The following MSH4 variants were observed in gnomAD, a reference collection of about 807,000 sequenced individuals.
MSH4 encodes the protein mutS homolog 4.
Under a neutral mutation model 113.7 loss-of-function variants are expected in MSH4, and 106 were observed. The observed-to-expected ratio is 0.93, with a 90% CI of 0.80 to 1.10. The LOEUF (loss-of-function observed/expected upper bound fraction) is 1.10, where lower values mean the gene tolerates loss of function less well. MSH4 is among the 50% of genes least tolerant of loss of function. The probability of loss-of-function intolerance (pLI) is 0.00; values close to 1 mark genes in which losing one functional copy is unlikely to be tolerated. For synonymous variants in MSH4, 368 were observed against 380.2 expected (o/e 0.97, Z 0.37); for missense variants, 1,061 against 1,093.7 (o/e 0.97, Z 0.42).
intron 3 of MSH4, among the ~76,000 whole-genome samples, chr1:75,810,199 A>G (rs1033102526): frequency 6.8e-6 from 1 of 147,140 alleles, no homozygotes; most frequent in Non-Finnish European, 1.5e-5. Flanking sequence ...ATATATATAC[A>G]TATATATTTT....
chr1:75,876,912 CT>C (rs1029542695), intron 9 of MSH4, 23 bp from the exon 10 acceptor site: 4 of 1,376,002 alleles, frequency 2.9e-6, no homozygotes, highest in African/African-American at 3.0e-5. Context: ...TTATCCTTAA[CT>C]TTTTTATTTT....
chr1:75,833,715 A>G (rs1055392939), intron 7 of MSH4, among the ~76,000 whole-genome samples: 8 of 152,226 alleles, frequency 5.3e-5, no homozygotes, highest in African/African-American at 1.9e-4. Context: ...TGGTGCTGGG[A>G]AAACTGGCTA....
chr1:75,879,711 A>C (rs983907643), intron 12 of MSH4, among the ~76,000 whole-genome samples: 3 of 152,248 alleles, frequency 2.0e-5, no homozygotes, highest in Admixed American at 6.5e-5. Context: ...CAGGGGTCAG[A>C]GATGGAGTGA....
At chr1:75,895,147 A>G (rs940673602) in intron 17 of MSH4, among the ~76,000 whole-genome samples, 3 of 152,182 alleles carry the variant, frequency 2.0e-5, no homozygotes, top group East Asian at 3.9e-4. Context: ...CTGCCCAGCC[A>G]CTTTGGCTGT....
chr1:75,893,748 T>G (rs1415480642), intron 17 of MSH4, among the ~76,000 whole-genome samples: 1 of 152,216 alleles, frequency 6.6e-6, no homozygotes, highest in Non-Finnish European at 1.5e-5. Context: ...GGAACATGCA[T>G]GGGAATGTAT....
At chr1:75,830,480 C>T (rs1323601600) in intron 7 of MSH4, among the ~76,000 whole-genome samples, 1 of 152,036 alleles carries the variant, frequency 6.6e-6, no homozygotes, top group Non-Finnish European at 1.5e-5. Flanking sequence ...TTCCAAGACA[C>T]ATAATTGTCA....
At chr1:75,838,795 C>G (rs1650888507) in intron 7 of MSH4, among the ~76,000 whole-genome samples, 1 of 152,166 alleles carries the variant, frequency 6.6e-6, no homozygotes, top group Non-Finnish European at 1.5e-5. Flanking sequence ...CCCCTTCTCC[C>G]AGGCTTCTCT....
intron 7 of MSH4, among the ~76,000 whole-genome samples, chr1:75,843,537 T>C (rs576830975): frequency 3.3e-5 from 5 of 152,288 alleles, no homozygotes; most frequent in East Asian, 1.9e-4. Context: ...CAGAGTCAGA[T>C]TGAAAAGCAA....
intron 19 of MSH4, among the ~76,000 whole-genome samples, chr1:75,910,611 A>C (rs1313262050): frequency 6.6e-6 from 1 of 151,876 alleles, no homozygotes; most frequent in Non-Finnish European, 1.5e-5. Flanking sequence ...ACTAAATATA[A>C]AAGTTTCTAA....
intron 8 of MSH4, among the ~76,000 whole-genome samples, chr1:75,855,014 A>G (rs1651283508): frequency 6.7e-6 from 1 of 148,592 alleles, no homozygotes; most frequent in Admixed American, 6.8e-5. Flanking sequence ...CTTTATATAG[A>G]TAATTAGTAT....
intron 7 of MSH4, among the ~76,000 whole-genome samples, chr1:75,845,028 G>A (rs939816388): frequency 6.6e-6 from 1 of 152,190 alleles, no homozygotes; most frequent in African/African-American, 2.4e-5. Context: ...TTTACTTCCA[G>A]AACAAGTAAC....
chr1:75,888,053 C>T (rs1652165098), intron 15 of MSH4, among the ~76,000 whole-genome samples: 1 of 148,890 alleles, frequency 6.7e-6, no homozygotes, highest in Non-Finnish European at 1.5e-5. Context: ...TCTAGTATGT[C>T]GAATGGTATA....
chr1:75,823,581 A>G (rs1467186967), intron 7 of MSH4, among the ~76,000 whole-genome samples: 1 of 152,096 alleles, frequency 6.6e-6, no homozygotes, highest in African/African-American at 2.4e-5. Context: ...CTAGGTTTTA[A>G]GCCTTGCATG....
intron 8 of MSH4, among the ~76,000 whole-genome samples, chr1:75,862,363 C>T (rs889965795): frequency 1.9e-4 from 29 of 152,188 alleles, no homozygotes; most frequent in African/African-American, 6.8e-4. Context: ...CCATCTTCTG[C>T]GTCAATCTCG....
rs1649831033 is a variant in MSH4, at chr1:75,797,094, G to C, written c.109G>C (p.Glu37Gln). The C allele has an allele frequency of 3.1e-6, 5 of 1,614,050 alleles. No homozygotes were observed. The highest frequency in any genetic ancestry group is 3.4e-6 in the Non-Finnish European group (4 of 1,179,928). Residue 37 changes from glutamate (E) to glutamine (Q), a missense_variant, in exon 1 of 20, where the codon GAG (glutamate) becomes CAG (glutamine). Physicochemically the swap from Glu to Gln is conservative, Grantham distance 29. Transcript: ENST00000263187. ...QGPRYNFGLQ[E>Q]TPQSRPSVQV... Reference sequence around the variant, plus strand: ...TCCCCGCTACAATTTCGGACTCCAGGAGACTCCACAGAGCCGCCCTTCGGT... The same window carrying C: ...TCCCCGCTACAATTTCGGACTCCAGCAGACTCCACAGAGCCGCCCTTCGGT...
At chr1:75,869,271 G>GC (rs1651658049) in intron 9 of MSH4, among the ~76,000 whole-genome samples, 1 of 152,114 alleles carries the variant, frequency 6.6e-6, no homozygotes, top group East Asian at 1.9e-4. Flanking sequence ...AGGGTATCCA[G>GC]GGGGAAGAAA....
intron 19 of MSH4, among the ~76,000 whole-genome samples, chr1:75,906,144 G>A (rs999210025): frequency 1.3e-5 from 2 of 151,406 alleles, no homozygotes; most frequent in African/African-American, 4.9e-5. Flanking sequence ...GCACCCGCCT[G>A]TACACCCAGC....
At chr1:75,853,142 G>A (rs1385645148) in intron 8 of MSH4, among the ~76,000 whole-genome samples, 1 of 152,036 alleles carries the variant, frequency 6.6e-6, no homozygotes, top group Non-Finnish European at 1.5e-5. Flanking sequence ...TCGGCTCACT[G>A]CAACCTCCAC....
chr1:75,808,747 A>G (rs191869178), intron 3 of MSH4, among the ~76,000 whole-genome samples: 32 of 152,202 alleles, frequency 2.1e-4, no homozygotes, highest in Admixed American at 2.1e-3. Flanking sequence ...GGTAAAGAAA[A>G]CTAGTATCTT....
Sources: gnomAD v4.1 joint callset for allele counts (sites outside exome capture counted in the v4.1 genomes callset) on GRCh38, gnomAD v4.1.1 for gene constraint, MANE v1.5 for transcripts, NCBI Gene and HGNC (gene_info 2026-07-23, HGNC 2026-07-21) for gene names.